ME1: variants seen among roughly 807,000 people sequenced by gnomAD.
ME1 encodes the protein malic enzyme 1.
A neutral mutation model predicts 66.4 loss-of-function variants in ME1; 74 were observed. The ratio of observed to expected loss-of-function variants is 1.11; its 90% confidence interval spans 0.92 to 1.35. The LOEUF is 1.35. Among genes scored for constraint, ME1 ranks in the 40% most tolerant of loss-of-function variants. The pLI is 0.00. For synonymous variants in ME1, 251 were observed against 235.6 expected (o/e 1.07, Z -0.60); for missense variants, 750 against 694.1 (o/e 1.08, Z -0.90).
At chr6:83,405,982 A>G (rs1243545223) in intron 2 of ME1, among the ~76,000 whole-genome samples, 1 of 152,076 alleles carries the variant, frequency 6.6e-6, no homozygotes, top group Admixed American at 6.5e-5. Flanking sequence ...CGGCCTCCCA[A>G]AGTGCTGGGA....
chr6:83,223,673 A>G, intron 12 of ME1, 87 bp downstream of exon 12: 1 of 1,258,178 alleles, frequency 7.9e-7, no homozygotes, highest in Non-Finnish European at 1.1e-6. Context: ...GTAAGCTGAG[A>G]TGCTAGATAA....
At chr6:83,426,209 C>A (rs1409318974) in intron 1 of ME1, among the ~76,000 whole-genome samples, 1 of 152,146 alleles carries the variant, frequency 6.6e-6, no homozygotes, top group Non-Finnish European at 1.5e-5. Context: ...TCACATTCTC[C>A]CCTACCTGTC....
intron 3 of ME1, among the ~76,000 whole-genome samples, chr6:83,389,376 T>C (rs1265293801): frequency 1.3e-5 from 2 of 152,124 alleles, no homozygotes; most frequent in Non-Finnish European, 2.9e-5. Flanking sequence ...TAAATCTAAA[T>C]AGCATGAGAA....
chr6:83,407,247 G>T (rs1402264687), intron 2 of ME1, among the ~76,000 whole-genome samples: 1 of 152,164 alleles, frequency 6.6e-6, no homozygotes, highest in Non-Finnish European at 1.5e-5. Context: ...GGCCTGTAGT[G>T]GTTGCTCAAG....
chr6:83,232,769 A>AC (rs773536346), intron 9 of ME1, among the ~76,000 whole-genome samples: 12 of 152,160 alleles, frequency 7.9e-5, no homozygotes, highest in Non-Finnish European at 1.5e-4. Context: ...CAAGCCCTCG[A>AC]CCTAGAGATT....
intron 1 of ME1, among the ~76,000 whole-genome samples, chr6:83,412,953 C>T (rs1467763617): frequency 6.6e-6 from 1 of 152,080 alleles, no homozygotes; most frequent in Non-Finnish European, 1.5e-5. Flanking sequence ...ACTGTACATC[C>T]AAAAGTAAAT....
At chr6:83,213,376 A>G (rs1426466793) in intron 13 of ME1, among the ~76,000 whole-genome samples, 1 of 151,266 alleles carries the variant, frequency 6.6e-6, no homozygotes, top group Non-Finnish European at 1.5e-5. Flanking sequence ...GTGAGCCGAG[A>G]TCACACCATT....
intron 3 of ME1, among the ~76,000 whole-genome samples, chr6:83,387,719 T>C (rs1769537386): frequency 6.6e-6 from 1 of 152,200 alleles, no homozygotes; most frequent in South Asian, 2.1e-4. Context: ...GAAAAATATT[T>C]TAATATTTTG....
chr6:83,255,865 A>AGAT (rs1328798680), intron 6 of ME1, among the ~76,000 whole-genome samples: 1 of 152,188 alleles, frequency 6.6e-6, no homozygotes, highest in East Asian at 1.9e-4. Flanking sequence ...CTCATCCAAT[A>AGAT]GATGAGGAAA....
intron 7 of ME1, 58 bp downstream of exon 7, chr6:83,253,571 C>T (rs1014888179): frequency 2.3e-6 from 2 of 857,002 alleles, no homozygotes; most frequent in South Asian, 1.5e-5. Flanking sequence ...ATCATTATTA[C>T]AATTATGAAC....
chr6:83,243,267 T>C (rs560983883), intron 7 of ME1, among the ~76,000 whole-genome samples: 20 of 145,958 alleles, frequency 1.4e-4, no homozygotes, highest in African/African-American at 5.0e-4. Context: ...AGAGATACTG[T>C]CTCAAAATTA....
intron 6 of ME1, among the ~76,000 whole-genome samples, chr6:83,299,963 G>A (rs13195887): frequency 0.1 from 15,636 of 152,122 alleles, 798 homozygotes; most frequent in African/African-American, 0.13. Flanking sequence ...ACTTGAATGC[G>A]GTGGATAAGC....
chr6:83,363,882 C>A (rs566696292), intron 3 of ME1, among the ~76,000 whole-genome samples: 2 of 152,198 alleles, frequency 1.3e-5, no homozygotes, highest in South Asian at 2.1e-4. Flanking sequence ...TGGTGCATTT[C>A]TAGTTGTAGG....
chr6:83,313,623 C>G (rs953827817), intron 6 of ME1, among the ~76,000 whole-genome samples: 1 of 152,114 alleles, frequency 6.6e-6, no homozygotes, highest in African/African-American at 2.4e-5. Flanking sequence ...TCTTATATAG[C>G]CTTACGGTAT....
intron 5 of ME1, among the ~76,000 whole-genome samples, chr6:83,316,240 TAC>T (rs1768027305): frequency 6.6e-6 from 1 of 152,346 alleles, no homozygotes; most frequent in African/African-American, 2.4e-5. Context: ...TTTTTAACTT[TAC>T]ACAGTTTAAG....
At chr6:83,266,699 C>T (rs1766996441) in intron 6 of ME1, among the ~76,000 whole-genome samples, 1 of 152,134 alleles carries the variant, frequency 6.6e-6, no homozygotes, top group South Asian at 2.1e-4. Flanking sequence ...TAAGCCCAAA[C>T]TGTTTTAGAA....
intron 1 of ME1, among the ~76,000 whole-genome samples, chr6:83,408,879 TATG>T (rs1030058089): frequency 1.3e-5 from 2 of 152,112 alleles, no homozygotes; most frequent in Non-Finnish European, 2.9e-5. Flanking sequence ...AGTACACCAA[TATG>T]ATATGATAGT....
At chr6:83,266,179 A>T (rs552632211) in intron 6 of ME1, among the ~76,000 whole-genome samples, 1 of 152,342 alleles carries the variant, frequency 6.6e-6, no homozygotes, top group Admixed American at 6.5e-5. Context: ...AAAAAATCAA[A>T]CTATTTTATA....
rs539074253 is a variant in ME1, at chr6:83,213,559, G to T, written c.1549-1465C>A. On this transcript the variant is annotated intron_variant, in intron 13 of 13. Coordinates refer to ENST00000369705, the MANE Select transcript of ME1 (RefSeq NM_002395.6). ...TCTGTACTTTTTTAGAAGAGAAGGG[G>T]TTTCGCCATGTTGGCCAGTCTGGTC... Among the ~76,000 whole-genome samples, 5 of 152,200 alleles carry T rather than the reference G, an allele frequency of 3.3e-5. No individual in the cohort carries two copies. The South Asian group carries it at 1.0e-3, about 32-fold the overall frequency.
Sources: gnomAD v4.1 joint callset for allele counts (sites outside exome capture counted in the v4.1 genomes callset) on GRCh38, gnomAD v4.1.1 for gene constraint, MANE v1.5 for transcripts, NCBI Gene and HGNC (gene_info 2026-07-23, HGNC 2026-07-21) for gene names.